The following BCAS3 variants were observed in gnomAD, a reference collection of about 807,000 sequenced individuals.
The protein encoded by BCAS3 is BCAS3 microtubule associated cell migration factor.
Under a neutral mutation model 116.1 loss-of-function variants are expected in BCAS3, and 53 were observed. The observed-to-expected ratio is 0.46, with a 90% CI of 0.37 to 0.57. The LOEUF (loss-of-function observed/expected upper bound fraction) is 0.57, where lower values mean the gene tolerates loss of function less well. Ranked by LOEUF, BCAS3 falls within the 20% of genes least tolerant of loss-of-function variation. The pLI is 0.00. For synonymous variants in BCAS3, 391 were observed against 408.2 expected, an observed-to-expected ratio of 0.96 and a Z score of 0.51; for missense variants, 917 against 1,165.4, an observed-to-expected ratio of 0.79 and a Z score of 3.10.
At chr17:60,683,786 C>G (rs567098234) in intron 2 of BCAS3, among the ~76,000 whole-genome samples, 196 bp from the exon 3 acceptor site, 2 of 151,464 alleles carry the variant, frequency 1.3e-5, no homozygotes, top group Non-Finnish European at 2.9e-5. Context: ...GAGCCGAGAT[C>G]GCACCACTAC....
At chr17:60,936,957 T>A (rs1327986912) in intron 13 of BCAS3, among the ~76,000 whole-genome samples, 1 of 152,208 alleles carries the variant, frequency 6.6e-6, no homozygotes, top group Admixed American at 6.5e-5. Flanking sequence ...TGAATGGTAT[T>A]GCCTAGGTTT....
chr17:61,006,019 T>C (rs550747538), intron 15 of BCAS3, among the ~76,000 whole-genome samples: 1 of 152,058 alleles, frequency 6.6e-6, no homozygotes, highest in East Asian at 1.9e-4. Context: ...CATTGTTCAA[T>C]TCCCACCTAT....
In BCAS3 at chr17:61,163,227, A is replaced by G. The variant is rs575573883; in HGVS notation, c.2425+78663A>G. Among the ~76,000 whole-genome samples, 5 of 152,074 alleles carry G rather than the reference A, an allele frequency of 3.3e-5. No homozygotes were observed. In the South Asian group the frequency reaches 8.3e-4, roughly 25 times the overall value. ...ATCACGAGGTCAGGAGATCAAGACC[A>G]TCCTGGCTAACACGGTGAAACCCAG... On this transcript the variant is annotated intron_variant, in intron 22 of 23. Transcript: ENST00000407086.
chr17:60,850,038 G>A (rs1018560409), intron 7 of BCAS3, among the ~76,000 whole-genome samples: 8 of 152,078 alleles, frequency 5.3e-5, no homozygotes, highest in African/African-American at 1.9e-4. Flanking sequence ...GATTAGAGAC[G>A]GAACCCACTG....
At chr17:61,305,366 C>T (rs1409260295) in intron 22 of BCAS3, among the ~76,000 whole-genome samples, 1 of 152,062 alleles carries the variant, frequency 6.6e-6, no homozygotes, top group Admixed American at 6.6e-5. Context: ...CAGTAGTGAG[C>T]CCAGTCAGAA....
intron 12 of BCAS3, among the ~76,000 whole-genome samples, chr17:60,914,524 G>C (rs912904509): frequency 1.3e-5 from 2 of 152,206 alleles, no homozygotes; most frequent in Non-Finnish European, 2.9e-5. Flanking sequence ...GTTTAAAGTA[G>C]AAAAATGGGC....
chr17:61,319,419 G>A (rs2055010901), intron 22 of BCAS3, among the ~76,000 whole-genome samples: 2 of 152,212 alleles, frequency 1.3e-5, no homozygotes, highest in South Asian at 4.1e-4. Context: ...GGATTAGTAT[G>A]AGGAATAATT....
chr17:60,762,956 T>A (rs1338899147), intron 6 of BCAS3, among the ~76,000 whole-genome samples: 2 of 152,110 alleles, frequency 1.3e-5, no homozygotes, highest in African/African-American at 4.8e-5. Flanking sequence ...ATTCTCTTTG[T>A]AGCAGTTGTG....
chr17:61,009,086 G>A (rs1231586329), intron 15 of BCAS3, among the ~76,000 whole-genome samples: 1 of 152,036 alleles, frequency 6.6e-6, no homozygotes, highest in Non-Finnish European at 1.5e-5. Flanking sequence ...TGAGTTATAG[G>A]AAGGTGTCTA....
chr17:60,809,179 A>C (rs1376481515), intron 7 of BCAS3, among the ~76,000 whole-genome samples: 8 of 151,636 alleles, frequency 5.3e-5, no homozygotes, highest in Non-Finnish European at 1.2e-4. Flanking sequence ...AACTACCCGG[A>C]AGGCTGAGGC....
rs1338981990 is a variant in BCAS3 at position 60,989,820 on chromosome 17, A to G, written c.1222-151A>G. On this transcript the variant is annotated intron_variant, in intron 14 of 23. Coordinates refer to ENST00000407086, the MANE Select transcript of BCAS3 (RefSeq NM_017679.5). ...TTGATCAACAGTCATTGTGAAATGC[A>G]TCTGTAGAGTAAATTTTTATTTATT... is the stretch of plus-strand genomic sequence containing the variant. 3 of 776,718 alleles carry G rather than the reference A, an allele frequency of 3.9e-6. No homozygotes were observed. The East Asian group carries it at 7.9e-5, about 20-fold the overall frequency. The allele number at this position is 776,718 out of a possible 1,614,324, so 48.1% of individuals were successfully genotyped here.
intron 6 of BCAS3, among the ~76,000 whole-genome samples, chr17:60,784,732 T>A (rs1469794078): frequency 1.3e-5 from 2 of 152,112 alleles, no homozygotes; most frequent in African/African-American, 4.8e-5. Flanking sequence ...CTACTGTGCC[T>A]GGTTATGAGA....
rs189475523 is a variant in BCAS3, at chr17:61,354,106, A to C, written c.2426-14221A>C. On this transcript the variant is annotated intron_variant, in intron 22 of 23. Transcript: ENST00000407086. This position sits in a 1 kb window ranked among gnomAD's most constrained non-coding sequence, Gnocchi z 4.5. ...AGCCATGATGCTTCTGCAGCATGCC[A>C]GTTTGTTCACTGAGACCTTCACAGA... The C allele has an allele frequency of 3.7e-4, 56 of 152,278 alleles. No individual in the cohort carries two copies. The highest frequency in any genetic ancestry group is 1.2e-3 in the African/African-American group (49 of 41,540). The allele number at this position is 152,278 out of a possible 1,614,324, so 9.4% of individuals were successfully genotyped here. A position where few individuals can be genotyped will look rare whatever the true frequency, so the allele number is the denominator to read the frequency against.
At chr17:61,301,504 G>C (rs1022378675) in intron 22 of BCAS3, among the ~76,000 whole-genome samples, 1 of 152,084 alleles carries the variant, frequency 6.6e-6, no homozygotes, top group African/African-American at 2.4e-5. Flanking sequence ...GGGCGTGGTG[G>C]CAGGTGCCTG....
chr17:61,384,883 A>G (rs1003630498), intron 23 of BCAS3, among the ~76,000 whole-genome samples: 1 of 152,066 alleles, frequency 6.6e-6, no homozygotes, highest in African/African-American at 2.4e-5. Context: ...CCTGGTGGGG[A>G]GGGGAGCCCC....
chr17:60,792,071 C>T (rs925082621), intron 6 of BCAS3, among the ~76,000 whole-genome samples: 3 of 152,088 alleles, frequency 2.0e-5, no homozygotes, highest in Non-Finnish European at 2.9e-5. Context: ...TGCAGTGAGC[C>T]GAGATCGTGC....
chr17:60,771,340 G>A (rs2044683931), intron 6 of BCAS3, among the ~76,000 whole-genome samples: 2 of 151,978 alleles, frequency 1.3e-5, no homozygotes, highest in Non-Finnish European at 1.5e-5. Flanking sequence ...GAAATTGCCG[G>A]TATGGAGACC....
chr17:61,099,276 C>T (rs2074171636), intron 22 of BCAS3, among the ~76,000 whole-genome samples: 1 of 152,064 alleles, frequency 6.6e-6, no homozygotes, highest in African/African-American at 2.4e-5. Flanking sequence ...GGTATTGGTA[C>T]CTTCCACAGA....
chr17:60,688,498 G>A (rs1215928717), intron 3 of BCAS3, among the ~76,000 whole-genome samples: 1 of 151,898 alleles, frequency 6.6e-6, no homozygotes, highest in Admixed American at 6.6e-5. Context: ...TCTCCATGTT[G>A]CCCAAGCTGG....
Sources: gnomAD v4.1 joint callset for allele counts (sites outside exome capture counted in the v4.1 genomes callset) on GRCh38, gnomAD v4.1.1 for gene constraint, Gnocchi (gnomAD v3.1) non-coding constraint, MANE v1.5 for transcripts, NCBI Gene and HGNC (gene_info 2026-07-23, HGNC 2026-07-21) for gene names.